Variants in MAPRE2 observed in about 807,000 individuals in gnomAD.
The protein encoded by MAPRE2 is microtubule associated protein RP/EB family member 2, also known as microtubule-associated protein RP/EB family member 2.
In MAPRE2, 13 loss-of-function variants were observed where a neutral mutation model predicts 43.2. The ratio of observed to expected loss-of-function variants is 0.30; its 90% CI spans 0.20 to 0.48. The LOEUF (loss-of-function observed/expected upper bound fraction) is 0.48. MAPRE2 is among the 20% of genes least tolerant of loss of function. The pLI, the probability that MAPRE2 is intolerant of heterozygous loss-of-function variation, is 0.99. For missense variants in MAPRE2, 161 were observed against 400.2 expected, an observed-to-expected ratio of 0.40 and a Z score of 5.10; for synonymous variants, 135 against 148.8, an observed-to-expected ratio of 0.91 and a Z score of 0.68.
chr18:35,058,342 A>G (rs1243255461), intron 1 of MAPRE2, among the ~76,000 whole-genome samples: 2 of 152,220 alleles, frequency 1.3e-5, no homozygotes, highest in African/African-American at 2.4e-5. Context: ...CAATTTTACC[A>G]TAATGTAAAT....
At chr18:35,100,612 A>T (rs753946359) in intron 3 of MAPRE2, among the ~76,000 whole-genome samples, 40 of 152,212 alleles carry the variant, frequency 2.6e-4, no homozygotes, top group Non-Finnish European at 4.0e-4. Context: ...ACACATATAC[A>T]CCATGGAATA....
At chr18:35,108,852 C>A (rs554775415) in intron 4 of MAPRE2, among the ~76,000 whole-genome samples, 1 of 151,222 alleles carries the variant, frequency 6.6e-6, no homozygotes, top group Non-Finnish European at 1.5e-5. Context: ...TATTTAAGTT[C>A]CGTGTAAATT....
chr18:35,039,355 G>A (rs961107358), upstream of MAPRE2, among the ~76,000 whole-genome samples: 1 of 152,338 alleles, frequency 6.6e-6, no homozygotes, highest in African/African-American at 2.4e-5. Flanking sequence ...ACACTCTCAT[G>A]CCCCTTTAGC....
intron 2 of MAPRE2, 89 bp downstream of exon 2, chr18:35,070,411 G>T (rs1907050082): frequency 8.1e-7 from 1 of 1,241,424 alleles, no homozygotes; most frequent in South Asian, 2.0e-5. Context: ...CTATATTTTG[G>T]GTAGGAAAAA....
At chr18:35,119,415 A>C (rs1335931556) in intron 4 of MAPRE2, among the ~76,000 whole-genome samples, 2 of 152,172 alleles carry the variant, frequency 1.3e-5, no homozygotes, top group Admixed American at 1.3e-4. Flanking sequence ...AGTTTATTCT[A>C]TCACTTCCTA....
chr18:35,128,584 ATG>A lies in MAPRE2; in HGVS notation c.750+1500_750+1501del, dbSNP rs148640136. On this transcript the variant is annotated intron_variant, in intron 5 of 6. Coordinates refer to ENST00000300249, the MANE Select transcript of MAPRE2 (RefSeq NM_014268.4). ...GAGATAATTTAAAGTATACAGGAGT[ATG>A]TGCGTAGGTTGTATGCAAATACGAT... Among the ~76,000 whole-genome samples, 186 of 152,372 alleles carry A rather than the reference ATG, an allele frequency of 1.2e-3. 1 individual carries two copies. The highest frequency in any genetic ancestry group is 4.3e-3 in the African/African-American group (180 of 41,582).
At chr18:35,104,095 G>A (rs1908796841) in intron 4 of MAPRE2, among the ~76,000 whole-genome samples, 1 of 152,148 alleles carries the variant, frequency 6.6e-6, no homozygotes, top group South Asian at 2.1e-4. Flanking sequence ...CTCAGCATCA[G>A]AGAACAAAAA....
chr18:35,053,340 G>A lies in MAPRE2; in HGVS notation c.122+11679G>A, dbSNP rs193018914. Among the ~76,000 whole-genome samples the A allele has an allele frequency of 1.6e-4, 24 of 152,218 alleles. 1 individual carries two copies. The East Asian group carries it at 4.4e-3, about 28-fold the overall frequency. On this transcript the variant is annotated intron_variant, in intron 1 of 6. Transcript: ENST00000300249. ...ACCCAGGAGGTGAAGGTTGCAGTGA[G>A]CCAAGATCACGCCACTGCACTCCAG... is the stretch of plus-strand genomic sequence containing the variant.
At chr18:35,029,545 T>C (rs916953084) in intron 2 of MAPRE2, among the ~76,000 whole-genome samples, 1 of 152,132 alleles carries the variant, frequency 6.6e-6, no homozygotes, top group Non-Finnish European at 1.5e-5. Context: ...TATTAAGGAG[T>C]TGCCACTCAG....
chr18:35,063,550 A>G lies in MAPRE2; in HGVS notation c.123-6645A>G, dbSNP rs1249412873. 3.3e-5 allele frequency among the ~76,000 whole-genome samples: 5 copies of G among 151,788 alleles called. No homozygotes were observed. In the East Asian group the frequency reaches 7.8e-4, roughly 24 times the overall value. On this transcript the variant is annotated intron_variant, in intron 1 of 6. Coordinates refer to ENST00000300249, the MANE Select transcript of MAPRE2 (RefSeq NM_014268.4). ...AGGCCCTTTAAAGGCTCAGCCTCCA[A>G]GTGGGTTTGGTATAAGTAAATCCAG...
At chr18:34,985,289 ATTATATT>A (rs2097019264) in intron 1 of MAPRE2, among the ~76,000 whole-genome samples, 17 of 37,052 alleles carry the variant, frequency 4.6e-4, no homozygotes, top group African/African-American at 1.4e-3. Context: ...TATATTATAT[ATTATATT>A]ATATATTGTA....
Position 35,064,000 on chromosome 18 carries a change from T to TAAAAAAAAAAAAAAAAAA in MAPRE2, c.123-6179_123-6162dup, listed in dbSNP as rs575347953. On this transcript the variant is annotated intron_variant, in intron 1 of 6. Coordinates refer to ENST00000300249, the MANE Select transcript of MAPRE2 (RefSeq NM_014268.4). ...ACTGCCGAGTGAGACCCTGTCTCTTTAAAAAAAAAAAAAAAAAAAAAAAAA... is the reference window on the plus strand; with the variant it reads ...ACTGCCGAGTGAGACCCTGTCTCTTTAAAAAAAAAAAAAAAAAAAAAAAAAAAAAAAAAAAAAAAAAAA... Among the ~76,000 whole-genome samples the TAAAAAAAAAAAAAAAAAA allele has an allele frequency of 6.2e-4, 21 of 33,968 alleles. 2 individuals are homozygous for TAAAAAAAAAAAAAAAAAA. The highest frequency in any genetic ancestry group is 1.8e-3 in the South Asian group (1 of 568). 22.3% of individuals were successfully genotyped at this position (33,968 alleles called of 152,430 possible).
At chr18:35,047,508 C>T (rs1315542365) in intron 1 of MAPRE2, among the ~76,000 whole-genome samples, 1 of 152,172 alleles carries the variant, frequency 6.6e-6, no homozygotes, top group Admixed American at 6.5e-5. Context: ...AGAGAATTCT[C>T]TCAAAGTGGA....
At chr18:35,014,860 T>C (rs2097037156) in intron 2 of MAPRE2, among the ~76,000 whole-genome samples, 1 of 152,154 alleles carries the variant, frequency 6.6e-6, no homozygotes. Context: ...TTAGTGCACC[T>C]TTACCACGTT....
intron 4 of MAPRE2, among the ~76,000 whole-genome samples, chr18:35,103,097 T>C (rs1055295354): frequency 1.4e-4 from 22 of 152,236 alleles, no homozygotes; most frequent in Admixed American, 6.5e-5. Context: ...TATTTCTGGA[T>C]TTATGGCTGT....
chr18:35,048,424 G>A (rs941593962), intron 1 of MAPRE2, among the ~76,000 whole-genome samples: 1 of 151,672 alleles, frequency 6.6e-6, no homozygotes, highest in Non-Finnish European at 1.5e-5. Context: ...ATATATGTGT[G>A]TGTGTGTGTA....
chr18:35,037,965 G>A (rs750057741), upstream of MAPRE2, among the ~76,000 whole-genome samples: 3 of 152,192 alleles, frequency 2.0e-5, no homozygotes, highest in Non-Finnish European at 4.4e-5. Context: ...TAATATCTGA[G>A]TCTGCTGAGG....
intron 2 of MAPRE2, among the ~76,000 whole-genome samples, chr18:35,015,613 T>G (rs1298944284): frequency 1.3e-5 from 2 of 149,242 alleles, no homozygotes; most frequent in Non-Finnish European, 3.0e-5. Flanking sequence ...ACACAGTTGG[T>G]GGGTGTGTAT....
intron 5 of MAPRE2, 95 bp downstream of exon 5, chr18:35,127,182 G>T: frequency 7.8e-7 from 1 of 1,282,538 alleles, no homozygotes. Flanking sequence ...AGGGAGGGAA[G>T]GGTAAGGAAG....
Sources: gnomAD v4.1 joint callset for allele counts (sites outside exome capture counted in the v4.1 genomes callset) on GRCh38, gnomAD v4.1.1 for gene constraint, MANE v1.5 for transcripts, NCBI Gene and HGNC (gene_info 2026-07-23, HGNC 2026-07-21) for gene names.